The following PDE4D variants were observed in gnomAD, a reference collection of about 807,000 sequenced individuals.
The protein encoded by PDE4D is 3',5'-cyclic-AMP phosphodiesterase 4D.
A neutral mutation model predicts 87.4 loss-of-function variants in PDE4D; 24 were observed. That is an observed-to-expected ratio of 0.27 (90% CI 0.20 to 0.39). PDE4D has a LOEUF of 0.39. PDE4D is among the 10% of genes least tolerant of loss of function. PDE4D has a pLI of 1.00. For synonymous variants in PDE4D, 384 were observed against 383.2 expected, an observed-to-expected ratio of 1.00 and a Z score of -0.02; for missense variants, 714 against 1,041.0, an observed-to-expected ratio of 0.69 and a Z score of 4.32.
chr5:60,519,342 T>C (rs981256071), intron 1 of PDE4D, among the ~76,000 whole-genome samples: 2 of 152,324 alleles, frequency 1.3e-5, no homozygotes, highest in Non-Finnish European at 2.9e-5. Flanking sequence ...CTGAGAACTT[T>C]ACAAAAAATT....
chr5:59,362,329 T>C (rs903598263), intron 1 of PDE4D, among the ~76,000 whole-genome samples: 1 of 152,198 alleles, frequency 6.6e-6, no homozygotes, highest in African/African-American at 2.4e-5. Context: ...TTTATCAGTT[T>C]CAAAAAGAAT....
At chr5:59,180,228 T>C in intron 5 of PDE4D, 1 of 377,132 alleles carries the variant, frequency 2.7e-6, no homozygotes, top group Non-Finnish European at 5.1e-6. Context: ...TTCACTCTTA[T>C]TAAACTAAAT....
At chr5:60,197,018 C>CAGATAGATAGATAGATAGATAGATAGAT (rs201360208) in intron 1 of PDE4D, among the ~76,000 whole-genome samples, 1 of 123,584 alleles carries the variant, frequency 8.1e-6, no homozygotes, top group Non-Finnish European at 1.7e-5. Flanking sequence ...ACAAGATAGG[C>CAGATAGATAGATAGATAGATAGATAGAT]AGATAGATAG....
chr5:60,426,489 T>C (rs1050795719), intron 1 of PDE4D, among the ~76,000 whole-genome samples: 7 of 151,980 alleles, frequency 4.6e-5, no homozygotes, highest in Non-Finnish European at 1.0e-4. Flanking sequence ...ATGAGAACAC[T>C]TGGACACAGG....
chr5:60,143,603 T>TTGTGTGTGTGTGTGTGTGTGTGTG lies in PDE4D; in HGVS notation c.42+41930_42+41953dup, dbSNP rs34236719. ...AAATGACCTAGGAGCAGCTTGGGAA[T>TTGTGTGTGTGTGTGTGTGTGTGTG]TGTGTGTGTGTGTGTGTGTGTGTGT... On this transcript the variant is annotated intron_variant, in intron 2 of 16. Transcript: ENST00000502484. Among the ~76,000 whole-genome samples the TTGTGTGTGTGTGTGTGTGTGTGTG allele has an allele frequency of 1.3e-3, 150 of 117,746 alleles. 1 individual carries two copies. Among genetic ancestry groups the TTGTGTGTGTGTGTGTGTGTGTGTG allele is most frequent in the African/African-American group, 4.8e-3 (145 of 30,150 alleles). The allele number at this position is 117,746 out of a possible 152,430, so 77.2% of individuals were successfully genotyped here.
chr5:60,515,601 C>CTTTTTTTTTTTTTTTTTTTT (rs954970783), intron 1 of PDE4D, among the ~76,000 whole-genome samples: 3 of 106,822 alleles, frequency 2.8e-5, no homozygotes, highest in African/African-American at 9.5e-5. Flanking sequence ...TTTTCTTTTT[C>CTTTTTTTTTTTTTTTTTTTT]TTTTTTTTTT....
intron 1 of PDE4D, among the ~76,000 whole-genome samples, chr5:59,358,139 CA>C (rs1431916096): frequency 1.3e-5 from 2 of 152,166 alleles, no homozygotes; most frequent in Non-Finnish European, 2.9e-5. Flanking sequence ...CTTGTTTTCA[CA>C]ACAGCATCCA....
At chr5:59,755,855 GAA>G (rs912269702) in intron 1 of PDE4D, among the ~76,000 whole-genome samples, 1 of 141,056 alleles carries the variant, frequency 7.1e-6, no homozygotes, top group Non-Finnish European at 1.5e-5. Context: ...AGCCATGTAT[GAA>G]AAAAAAAAAC....
intron 1 of PDE4D, among the ~76,000 whole-genome samples, chr5:59,885,637 C>T (rs1750034097): frequency 6.6e-6 from 1 of 152,128 alleles, no homozygotes; most frequent in African/African-American, 2.4e-5. Context: ...AGCCACATAA[C>T]CCAAGGTTAA....
At chr5:59,520,294 C>T (rs183484398) in intron 1 of PDE4D, among the ~76,000 whole-genome samples, 1 of 152,160 alleles carries the variant, frequency 6.6e-6, no homozygotes, top group African/African-American at 2.4e-5. Context: ...AACATGAGAC[C>T]ATTTATGGGG....
chr5:59,839,186 A>G (rs185127778), intron 1 of PDE4D, among the ~76,000 whole-genome samples: 314 of 151,826 alleles, frequency 2.1e-3, no homozygotes, highest in Non-Finnish European at 3.7e-3. Flanking sequence ...GCTTAGCATT[A>G]AAATGCAGCC....
chr5:59,934,082 C>A (rs1391897575), intron 3 of PDE4D, among the ~76,000 whole-genome samples: 1 of 152,128 alleles, frequency 6.6e-6, no homozygotes, highest in Non-Finnish European at 1.5e-5. Flanking sequence ...CTCCCAGGCT[C>A]AAACGATTCT....
chr5:59,533,495 T>C (rs777961157), intron 1 of PDE4D, among the ~76,000 whole-genome samples: 1 of 152,200 alleles, frequency 6.6e-6, no homozygotes, highest in Non-Finnish European at 1.5e-5. Flanking sequence ...AGTCTTAATA[T>C]AGATGTGGTT....
At chr5:60,249,198 G>A (rs1748149190) in intron 1 of PDE4D, among the ~76,000 whole-genome samples, 1 of 151,962 alleles carries the variant, frequency 6.6e-6, no homozygotes, top group Admixed American at 6.6e-5. Flanking sequence ...AATGCTTTAG[G>A]GAGAAACTGA....
rs780848487 is a variant in PDE4D at position 59,180,609 on chromosome 5, T to G, written c.794A>C (p.Lys265Thr). Residue 265 changes from lysine (K) to threonine (T), a missense_variant, in exon 5 of 15, where the codon AAA becomes ACA. This residue lies in a region of PDE4D where 90 missense variants were observed against 177.6 expected (regional missense o/e 0.51). Transcript: ENST00000340635. ...SPMCNQPSINKATITEEAYQK... is the reference protein window; with the variant it reads ...SPMCNQPSINTATITEEAYQK... ...ATCTTTCTTACCTGTTATGGTGGCT[T>G]TGTTGATGGATGGTTGGTTGCACAT... The G allele has an allele frequency of 1.7e-5, 27 of 1,613,222 alleles. No homozygotes were observed. The highest frequency in any genetic ancestry group is 2.0e-5 in the Non-Finnish European group (24 of 1,179,588).
intron 1 of PDE4D, among the ~76,000 whole-genome samples, chr5:59,459,643 T>C (rs572825700): frequency 1.3e-5 from 2 of 152,330 alleles, no homozygotes; most frequent in Non-Finnish European, 2.9e-5. Flanking sequence ...CAGATATTAG[T>C]AGTCCAAAGC....
chr5:59,370,031 T>C (rs1375452797), intron 1 of PDE4D, among the ~76,000 whole-genome samples: 1 of 152,158 alleles, frequency 6.6e-6, no homozygotes. Context: ...TAAAAATCCG[T>C]CATCAAACAC....
chr5:58,993,104 C>T (rs1580154682), intron 7 of PDE4D, among the ~76,000 whole-genome samples: 2 of 152,198 alleles, frequency 1.3e-5, no homozygotes, highest in East Asian at 1.9e-4. Context: ...ATATATTTTA[C>T]AGTTTGGTAC....
intron 2 of PDE4D, among the ~76,000 whole-genome samples, chr5:60,120,915 G>C (rs1339732642): frequency 2.0e-5 from 3 of 152,078 alleles, no homozygotes; most frequent in Non-Finnish European, 2.9e-5. Flanking sequence ...CAGTGGGCTG[G>C]GAAAGGCAGA....
Sources: allele counts gnomAD v4.1 joint callset (sites outside exome capture counted in the v4.1 genomes callset), GRCh38; gene constraint gnomAD v4.1.1; regional missense constraint gnomAD v4.1.1; transcripts MANE v1.5; gene names NCBI Gene and HGNC (gene_info 2026-07-23, HGNC 2026-07-21).